Variants in IST1 observed in about 807,000 individuals in gnomAD.
The protein encoded by IST1 is IST1 homolog.
In IST1, 23 loss-of-function variants were observed where a neutral mutation model predicts 37.0. The observed-to-expected ratio is 0.62, with a 90% CI of 0.45 to 0.88. The LOEUF (loss-of-function observed/expected upper bound fraction) is 0.88, where lower values mean the gene tolerates loss of function less well. Ranked by LOEUF, IST1 falls within the 40% of genes least tolerant of loss-of-function variation. The probability of loss-of-function intolerance (pLI) is 0.00; values close to 1 mark genes in which losing one functional copy is unlikely to be tolerated. For synonymous variants in IST1, 180 were observed against 161.7 expected (o/e 1.11, Z -0.86); for missense variants, 488 against 445.4 (o/e 1.10, Z -0.86).
At chr16:71,896,733 AC>A (rs1356554199) in intron 1 of IST1, among the ~76,000 whole-genome samples, 1 of 152,128 alleles carries the variant, frequency 6.6e-6, no homozygotes, top group Non-Finnish European at 1.5e-5. Flanking sequence ...TAATCCCAGT[AC>A]TTGGGGAGGG....
chr16:71,929,729 A>G lies in IST1; in HGVS notation c.*1916A>G. 1 of 1,432,602 alleles carries G rather than the reference A, an allele frequency of 7.0e-7. No individual in the cohort carries two copies. Among genetic ancestry groups the G allele is most frequent in the Admixed American group, 2.7e-5 (1 of 36,928 alleles). The allele number at this position is 1,432,602 out of a possible 1,614,324, so 88.7% of individuals were successfully genotyped here. On this transcript the variant is annotated 3_prime_UTR_variant, in exon 10 of 10. Coordinates refer to ENST00000378799, the MANE Select transcript of IST1 (RefSeq NM_001270975.2). ...AAGTGAGAAAATTGAAATTACTGCTAATAGTGGAGTAAAAAAAGTACCAAA... is the reference window on the plus strand; with the variant it reads ...AAGTGAGAAAATTGAAATTACTGCTGATAGTGGAGTAAAAAAAGTACCAAA...
At position 71,927,925 on chromosome 16, in the gene IST1, C is replaced by G; in HGVS notation, c.*112C>G. ...TTCATCTGTTAACCGTCACTCAGCA[C>G]AACACTCCCTCTGGGCTCTCTTCCT... is the stretch of plus-strand genomic sequence containing the variant. On this transcript the variant is annotated 3_prime_UTR_variant, in exon 10 of 10. Transcript: ENST00000378799. The G allele has an allele frequency of 2.0e-5, 15 of 759,248 alleles. 1 individual carries two copies. The highest frequency in any genetic ancestry group is 2.9e-5 in the Non-Finnish European group (13 of 443,944). 47.0% of individuals were successfully genotyped at this position (759,248 alleles called of 1,614,324 possible).
chr16:71,904,228 A>G (rs908821789), intron 1 of IST1, among the ~76,000 whole-genome samples: 13 of 152,124 alleles, frequency 8.5e-5, no homozygotes, highest in African/African-American at 2.7e-4. Context: ...GGTTCAAGCA[A>G]TTTTCCTGCC....
At chr16:71,895,881 C>G (rs958665662) in intron 1 of IST1, among the ~76,000 whole-genome samples, 1 of 152,218 alleles carries the variant, frequency 6.6e-6, no homozygotes, top group Middle Eastern at 3.2e-3. Context: ...CCCTAGTCTT[C>G]CTGCCCCGAG....
At chr16:71,912,689 G>A (rs898943598) in intron 1 of IST1, among the ~76,000 whole-genome samples, 1 of 152,086 alleles carries the variant, frequency 6.6e-6, no homozygotes, top group Non-Finnish European at 1.5e-5. Flanking sequence ...TACTCACATC[G>A]TTGTGCAACA....
At chr16:71,923,513 G>T (rs1405752292) in intron 8 of IST1, 133 bp downstream of exon 8, 3 of 549,616 alleles carry the variant, frequency 5.5e-6, no homozygotes, top group Non-Finnish European at 9.8e-6. Context: ...TGGGATTCTT[G>T]TGTTGCTTTA....
intron 9 of IST1, among the ~76,000 whole-genome samples, chr16:71,926,537 G>T (rs1457380658): frequency 6.6e-6 from 1 of 151,606 alleles, no homozygotes; most frequent in Non-Finnish European, 1.5e-5. Context: ...TAGTAGAGAT[G>T]GGGTTTCACC....
intron 1 of IST1, among the ~76,000 whole-genome samples, chr16:71,907,529 G>A (rs1431359568): frequency 1.3e-5 from 2 of 151,912 alleles, no homozygotes; most frequent in African/African-American, 4.8e-5. Context: ...CGCCCGCCTC[G>A]GCTTCCCAAA....
rs1456472380 is a variant in IST1, at chr16:71,922,457, TTC to T, written c.553-13_553-12del. ...TTGGACATGGGTTAATGACCTGGGTTTCTCTTTTTTTCTCAGGCAGAAGCTCC... is the reference window on the plus strand; with the variant it reads ...TTGGACATGGGTTAATGACCTGGGTTTCTTTTTTTCTCAGGCAGAAGCTCC... On this transcript the variant is annotated splice_polypyrimidine_tract_variant and intron_variant, in intron 6 of 9. Coordinates refer to ENST00000378799, the MANE Select transcript of IST1 (RefSeq NM_001270975.2). The T allele has an allele frequency of 5.6e-6, 9 of 1,609,202 alleles. No homozygotes were observed. The highest frequency in any genetic ancestry group is 1.6e-4 in the Middle Eastern group (1 of 6,062).
At chr16:71,909,516 C>T (rs962811372) in intron 1 of IST1, among the ~76,000 whole-genome samples, 1 of 152,114 alleles carries the variant, frequency 6.6e-6, no homozygotes, top group Non-Finnish European at 1.5e-5. Context: ...TGGTGCGTGT[C>T]CAGGAATGGA....
At chr16:71,923,799 A>G (rs1003180710) in intron 8 of IST1, among the ~76,000 whole-genome samples, 1 of 152,226 alleles carries the variant, frequency 6.6e-6, no homozygotes, top group Non-Finnish European at 1.5e-5. Context: ...GATCTTAATC[A>G]GAAATGTCCA....
intron 1 of IST1, among the ~76,000 whole-genome samples, chr16:71,910,836 T>G (rs1203560256): frequency 6.6e-6 from 1 of 152,190 alleles, no homozygotes; most frequent in Non-Finnish European, 1.5e-5. Context: ...GAGAAAATAC[T>G]GAGGCTTCCC....
intron 1 of IST1, among the ~76,000 whole-genome samples, chr16:71,911,551 A>G (rs1014296748): frequency 2.0e-5 from 3 of 152,114 alleles, no homozygotes; most frequent in African/African-American, 7.2e-5. Context: ...CAAAACACCA[A>G]AAAACAAAAC....
chr16:71,899,501 C>CT (rs2037053596), intron 1 of IST1, among the ~76,000 whole-genome samples: 1 of 152,204 alleles, frequency 6.6e-6, no homozygotes, highest in Non-Finnish European at 1.5e-5. Context: ...TGTTTCTACT[C>CT]TAACATCACA....
At chr16:71,898,840 C>T (rs2037037911) in intron 1 of IST1, among the ~76,000 whole-genome samples, 1 of 151,616 alleles carries the variant, frequency 6.6e-6, no homozygotes, top group South Asian at 2.1e-4. Context: ...AGCGGGGTGC[C>T]TGTTCTCCCA....
chr16:71,928,273 T>C lies in IST1; in HGVS notation c.*460T>C. On this transcript the variant is annotated 3_prime_UTR_variant, in exon 10 of 10. Transcript: ENST00000378799. ...GTGGTGAGTGAGAATCAAGGCCACCTTGTGTGTTTTCTCACTCTCGAATGC... is the reference window on the plus strand; with the variant it reads ...GTGGTGAGTGAGAATCAAGGCCACCCTGTGTGTTTTCTCACTCTCGAATGC... 1 of 169,142 alleles carries C rather than the reference T, an allele frequency of 5.9e-6. No individual in the cohort carries two copies. The highest frequency in any genetic ancestry group is 1.5e-4 in the South Asian group (1 of 6,558). The allele number at this position is 169,142 out of a possible 1,614,324, so 10.5% of individuals were successfully genotyped here. A position where few individuals can be genotyped will look rare whatever the true frequency, so the allele number is the denominator to read the frequency against.
upstream of IST1, chr16:71,895,330 A>T (rs1303829171): frequency 1.9e-5 from 3 of 158,542 alleles, no homozygotes; most frequent in Non-Finnish European, 1.4e-5. Flanking sequence ...CGCTTCCCCC[A>T]ACGTCTGCCG....
In IST1 at chr16:71,928,999, T is replaced by A. The variant is rs1206913343; in HGVS notation, c.*1186T>A. On this transcript the variant is annotated 3_prime_UTR_variant, in exon 10 of 10. Coordinates refer to ENST00000378799, the MANE Select transcript of IST1 (RefSeq NM_001270975.2). The stretch of plus-strand genomic sequence containing the variant: ...CAGTAGCTGCTAATAAAGTTAAAGA[T>A]CCTGTGTCCTGCTTTCTCTACTGTT... The A allele has an allele frequency of 6.5e-6, 1 of 152,878 alleles. No homozygotes were observed. Among genetic ancestry groups the A allele is most frequent in the East Asian group, 1.9e-4 (1 of 5,192 alleles). 9.5% of individuals were successfully genotyped at this position (152,878 alleles called of 1,614,324 possible).
chr16:71,923,000 C>A (rs2037643989), intron 7 of IST1: 2 of 481,812 alleles, frequency 4.2e-6, no homozygotes, highest in Non-Finnish European at 7.3e-6. Flanking sequence ...CCAGGCAGAA[C>A]AACCTTTGTA....
Sources: allele counts gnomAD v4.1 joint callset (sites outside exome capture counted in the v4.1 genomes callset), GRCh38; gene constraint gnomAD v4.1.1; transcripts MANE v1.5; gene names NCBI Gene and HGNC (gene_info 2026-07-23, HGNC 2026-07-21).